PTPRD: variants seen among roughly 807,000 people sequenced by gnomAD.
The protein encoded by PTPRD is protein tyrosine phosphatase receptor type D, also known as receptor-type tyrosine-protein phosphatase delta.
A neutral mutation model predicts 214.5 loss-of-function variants in PTPRD; 34 were observed. The ratio of observed to expected loss-of-function variants is 0.16; its 90% confidence interval spans 0.12 to 0.21. PTPRD has a LOEUF of 0.21. PTPRD is among the 10% of genes least tolerant of loss of function. PTPRD has a pLI of 1.00. For missense variants in PTPRD, 2,545 were observed against 2,398.7 expected (o/e 1.06, Z -1.27); for synonymous variants, 1,128 against 845.7 (o/e 1.33, Z -5.79).
intron 2 of PTPRD, among the ~76,000 whole-genome samples, chr9:10,543,107 A>G (rs2059477670): frequency 6.6e-6 from 1 of 151,598 alleles, no homozygotes; most frequent in South Asian, 2.1e-4. Context: ...CTGGTCCTGA[A>G]CTCCCGACCT....
intron 12 of PTPRD, among the ~76,000 whole-genome samples, chr9:8,675,662 A>C (rs2097394967): frequency 6.6e-6 from 1 of 151,802 alleles, no homozygotes; most frequent in African/African-American, 2.4e-5. Flanking sequence ...CATCATCAAA[A>C]CATTCCAGTT....
chr9:9,023,584 T>C (rs186885993), intron 10 of PTPRD, among the ~76,000 whole-genome samples: 59 of 152,070 alleles, frequency 3.9e-4, no homozygotes, highest in African/African-American at 1.4e-3. Flanking sequence ...ATGTGCAGGT[T>C]TGTTACAGGG....
intron 9 of PTPRD, among the ~76,000 whole-genome samples, chr9:9,221,563 C>T (rs1225441908): frequency 1.3e-5 from 2 of 151,972 alleles, no homozygotes; most frequent in East Asian, 1.9e-4. Context: ...CAGACAGTAT[C>T]CTCTCCTTGT....
At chr9:8,824,063 C>T (rs961382247) in intron 11 of PTPRD, among the ~76,000 whole-genome samples, 4 of 152,152 alleles carry the variant, frequency 2.6e-5, no homozygotes, top group Admixed American at 1.3e-4. Context: ...CCAGAGGTCA[C>T]TCTTGTCGCC....
chr9:8,758,420 G>T (rs993156855), intron 11 of PTPRD, among the ~76,000 whole-genome samples: 4 of 151,896 alleles, frequency 2.6e-5, no homozygotes, highest in Admixed American at 2.0e-4. Flanking sequence ...TACAAATTAG[G>T]GTATGATATT....
chr9:9,195,287 AT>A (rs2099937864), intron 9 of PTPRD, among the ~76,000 whole-genome samples: 2 of 152,034 alleles, frequency 1.3e-5, no homozygotes, highest in East Asian at 3.9e-4. Context: ...CACAAACAAC[AT>A]TTAGTTGAAA....
chr9:8,963,223 A>C (rs2099168026), intron 11 of PTPRD: 1 of 152,166 alleles, frequency 6.6e-6, no homozygotes, highest in Non-Finnish European at 1.5e-5. Context: ...GATGAAAGTA[A>C]AGAGAAGCAA....
At chr9:8,565,846 G>A (rs556972167) in intron 14 of PTPRD, among the ~76,000 whole-genome samples, 1 of 152,212 alleles carries the variant, frequency 6.6e-6, no homozygotes, top group South Asian at 2.1e-4. Context: ...AATAGCAAAA[G>A]CATACCTTTT....
intron 11 of PTPRD, among the ~76,000 whole-genome samples, chr9:8,784,833 C>G (rs1049205565): frequency 1.3e-5 from 2 of 152,186 alleles, no homozygotes; most frequent in Admixed American, 6.5e-5. Context: ...TTTCTCTATA[C>G]TGCCTCCATA....
intron 3 of PTPRD, among the ~76,000 whole-genome samples, chr9:10,188,006 A>G (rs1374048009): frequency 6.6e-6 from 1 of 152,192 alleles, no homozygotes; most frequent in Non-Finnish European, 1.5e-5. Flanking sequence ...AGTCTCTACA[A>G]TTGAGGTCCA....
At chr9:8,547,652 A>T (rs902919214) in intron 14 of PTPRD, among the ~76,000 whole-genome samples, 11 of 151,890 alleles carry the variant, frequency 7.2e-5, no homozygotes, top group African/African-American at 2.7e-4. Context: ...AAAAAAAAAA[A>T]AAAAAAAAAG....
chr9:9,770,443 TAA>T (rs2098743157), intron 5 of PTPRD, among the ~76,000 whole-genome samples: 1 of 152,138 alleles, frequency 6.6e-6, no homozygotes, highest in Non-Finnish European at 1.5e-5. Context: ...TAAGCAAAAC[TAA>T]GATACATTTG....
At chr9:10,335,634 C>A (rs2096831732) in intron 3 of PTPRD, among the ~76,000 whole-genome samples, 1 of 151,458 alleles carries the variant, frequency 6.6e-6, no homozygotes, top group African/African-American at 2.4e-5. Context: ...TGAAAAAAGA[C>A]ACTGTCAAGA....
At chr9:9,204,038 T>C (rs2099943385) in intron 9 of PTPRD, among the ~76,000 whole-genome samples, 1 of 152,156 alleles carries the variant, frequency 6.6e-6, no homozygotes, top group African/African-American at 2.4e-5. Flanking sequence ...TTGCCCTGAG[T>C]GATCCACTGC....
intron 3 of PTPRD, among the ~76,000 whole-genome samples, chr9:10,043,451 G>A (rs1169417523): frequency 1.3e-5 from 2 of 151,774 alleles, no homozygotes; most frequent in Admixed American, 6.6e-5. Context: ...ATTACTCCTG[G>A]TAAAGGAGTA....
At chr9:9,185,542 C>G (rs1289365304) in intron 9 of PTPRD, among the ~76,000 whole-genome samples, 1 of 152,080 alleles carries the variant, frequency 6.6e-6, no homozygotes, top group Admixed American at 6.6e-5. Flanking sequence ...TTACTTTCAG[C>G]CCTACTTAAG....
chr9:9,384,686 G>A (rs2063352898), intron 9 of PTPRD, among the ~76,000 whole-genome samples: 1 of 151,782 alleles, frequency 6.6e-6, no homozygotes, highest in Non-Finnish European at 1.5e-5. Flanking sequence ...TTGGTTGTTT[G>A]CCAATACTAA....
chr9:9,030,910 T>C (rs1219747485), intron 10 of PTPRD, among the ~76,000 whole-genome samples: 1 of 152,014 alleles, frequency 6.6e-6, no homozygotes, highest in Non-Finnish European at 1.5e-5. Context: ...ATGGTTCTTA[T>C]TCATATGTAG....
intron 10 of PTPRD, among the ~76,000 whole-genome samples, chr9:9,162,290 C>T (rs2099891214): frequency 1.3e-5 from 2 of 152,072 alleles, no homozygotes; most frequent in Non-Finnish European, 2.9e-5. Context: ...GCCTGAGAAT[C>T]CTATTAGCTT....
Sources: gnomAD v4.1 joint callset for allele counts (sites outside exome capture counted in the v4.1 genomes callset) on GRCh38, gnomAD v4.1.1 for gene constraint, MANE v1.5 for transcripts, NCBI Gene and HGNC (gene_info 2026-07-23, HGNC 2026-07-21) for gene names.